COL4A6: variants seen among roughly 807,000 people sequenced by gnomAD.
COL4A6 encodes the protein collagen type IV alpha 6 chain, also known as collagen alpha-6(IV) chain.
In COL4A6, 59 loss-of-function variants were observed where a neutral mutation model predicts 126.7. That is an observed-to-expected ratio of 0.47 (90% CI 0.38 to 0.58). COL4A6 has a LOEUF of 0.58. COL4A6 is among the 20% of genes least tolerant of loss of function. The pLI is 0.00. For synonymous variants in COL4A6, 547 were observed against 496.6 expected (o/e 1.10, Z -1.35); for missense variants, 1,285 against 1,337.3 (o/e 0.96, Z 0.61).
At chrX:108,413,503 G>A (rs1412615249) in intron 2 of COL4A6, among the ~76,000 whole-genome samples, 2 of 110,796 alleles carry the variant, frequency 1.8e-5, no homozygotes, top group Non-Finnish European at 3.8e-5. Flanking sequence ...CTGTCGCCCA[G>A]GCTGGAGTGC....
At chrX:108,184,808 T>C (rs1201736318) in intron 23 of COL4A6, among the ~76,000 whole-genome samples, 2 of 112,535 alleles carry the variant, frequency 1.8e-5, no homozygotes, top group Non-Finnish European at 3.8e-5. Context: ...GGACTAGTGA[T>C]GTTTGGGATA....
At chrX:108,266,421 T>C (rs1056419015) in intron 3 of COL4A6, among the ~76,000 whole-genome samples, 3 of 111,410 alleles carry the variant, frequency 2.7e-5, no homozygotes, top group African/African-American at 9.8e-5. Context: ...ACACTGCAGG[T>C]GTTCCTCAGT....
At chrX:108,164,045 G>A (rs2034045807) in intron 40 of COL4A6, among the ~76,000 whole-genome samples, 1 of 111,741 alleles carries the variant, frequency 8.9e-6, no homozygotes, top group African/African-American at 3.3e-5. Context: ...GCCATGGGAA[G>A]CCACTGGATG....
intron 23 of COL4A6, among the ~76,000 whole-genome samples, chrX:108,182,386 T>C (rs1364500716): frequency 1.8e-5 from 2 of 112,390 alleles, no homozygotes; most frequent in African/African-American, 6.5e-5. Context: ...ACACTGCTTG[T>C]AGTCTGGGCA....
chrX:108,369,823 T>C (rs1190063865), intron 2 of COL4A6, among the ~76,000 whole-genome samples: 2 of 112,337 alleles, frequency 1.8e-5, no homozygotes, highest in Non-Finnish European at 3.8e-5. Context: ...AATATAGTCT[T>C]TGTCACAACT....
chrX:108,244,867 G>T (rs1204129737), intron 3 of COL4A6, among the ~76,000 whole-genome samples: 1 of 111,823 alleles, frequency 8.9e-6, no homozygotes, highest in African/African-American at 3.2e-5. Context: ...GGCTAGGCTT[G>T]ACCCAAGGAA....
At position 108,188,697 on chromosome X, in the gene COL4A6, T is replaced by C; in HGVS notation, c.1427-20A>G. On this transcript the variant is annotated intron_variant, in intron 20 of 44. Transcript: ENST00000334504. ...AGTCTCCTGGGAGAAAAAGACAACA[T>C]AGAACGAAGTGGGTCATTTTTTTCC... is the stretch of plus-strand genomic sequence containing the variant. The C allele has an allele frequency of 8.9e-7, 1 of 1,119,087 alleles. No homozygotes were observed. Among genetic ancestry groups the C allele is most frequent in the Non-Finnish European group, 1.2e-6 (1 of 848,943 alleles). The allele number at this position is 1,119,087 out of a possible 1,213,427, so 92.2% of individuals were successfully genotyped here.
In COL4A6 at chrX:108,211,738, C is replaced by T. The variant is rs146748865; in HGVS notation, c.444G>A (p.Gly148=). The change falls in exon 7 of 45, where the codon GGG becomes GGA. Residue 148 remains glycine (G), a splice_region_variant and synonymous_variant. Coordinates refer to ENST00000334504, the MANE Select transcript of COL4A6 (RefSeq NM_033641.4). ...CTTTTGATCCTTTCTGACCAGGAAG[C>T]CCCTGAGTAAAATAGTTTAAAAAAT... ...DGYPGLLGPP[G]LPGQKGSKGD... The T allele has an allele frequency of 9.1e-6, 11 of 1,207,619 alleles. No individual in the cohort carries two copies. In the South Asian group the frequency reaches 1.8e-4, roughly 19 times the overall value.
intron 2 of COL4A6, among the ~76,000 whole-genome samples, chrX:108,359,195 C>A (rs1201209663): frequency 8.9e-6 from 1 of 112,281 alleles, no homozygotes; most frequent in African/African-American, 3.2e-5. Context: ...TCTCCTACAT[C>A]ATTTTATTTT....
intron 3 of COL4A6, among the ~76,000 whole-genome samples, chrX:108,260,017 A>G (rs1211229711): frequency 9.0e-6 from 1 of 110,929 alleles, no homozygotes; most frequent in Non-Finnish European, 1.9e-5. Flanking sequence ...GGATGCACTA[A>G]AACTTATCAT....
chrX:108,305,909 A>G (rs2038615899), intron 3 of COL4A6, among the ~76,000 whole-genome samples: 1 of 112,223 alleles, frequency 8.9e-6, no homozygotes, highest in Non-Finnish European at 1.9e-5. Context: ...CTAAGCAGAG[A>G]TATCCAGCAA....
chrX:108,156,030 A>G lies in COL4A6; in HGVS notation c.*970T>C, dbSNP rs1005813788. 1 of 112,450 alleles carries G rather than the reference A, an allele frequency of 8.9e-6. No individual in the cohort carries two copies. Among genetic ancestry groups the G allele is most frequent in the African/African-American group, 3.2e-5 (1 of 30,904 alleles). 9.3% of individuals were successfully genotyped at this position (112,450 alleles called of 1,213,427 possible). On this transcript the variant is annotated 3_prime_UTR_variant, in exon 45 of 45. Transcript: ENST00000334504. ...AAGTCTTTAACATCCTCAGAATACAAGGAAACCAACACTGTGCAGCTTCAG... is the reference window on the plus strand; with the variant it reads ...AAGTCTTTAACATCCTCAGAATACAGGGAAACCAACACTGTGCAGCTTCAG...
chrX:108,340,398 T>C (rs1354343911), intron 2 of COL4A6, among the ~76,000 whole-genome samples: 2 of 111,821 alleles, frequency 1.8e-5, no homozygotes, highest in Non-Finnish European at 3.8e-5. Context: ...AGACCCAGTG[T>C]ATATATCTAG....
At chrX:108,436,595 GT>G (rs10719296) in intron 2 of COL4A6, among the ~76,000 whole-genome samples, 8,353 of 112,319 alleles carry the variant, frequency 0.074, 680 homozygotes, top group African/African-American at 0.23. Flanking sequence ...AATTAATGTA[GT>G]TATTGAGCCT....
At chrX:108,389,465 T>C (rs998896451) in intron 2 of COL4A6, among the ~76,000 whole-genome samples, 3 of 111,886 alleles carry the variant, frequency 2.7e-5, no homozygotes, top group Admixed American at 9.4e-5. Context: ...TTTACCATTA[T>C]ATAATGACCT....
intron 2 of COL4A6, among the ~76,000 whole-genome samples, chrX:108,312,059 A>G (rs976752839): frequency 4.4e-5 from 5 of 112,504 alleles, no homozygotes; most frequent in African/African-American, 1.6e-4. Context: ...AAAGGAAAAC[A>G]TAAATTCTAA....
intron 2 of COL4A6, among the ~76,000 whole-genome samples, chrX:108,326,143 A>G (rs536575110): frequency 1.3e-3 from 150 of 112,432 alleles, no homozygotes; most frequent in African/African-American, 4.7e-3. Context: ...CATGATCTAT[A>G]TAAAATATAG....
At chrX:108,257,366 G>C (rs1451549659) in intron 3 of COL4A6, among the ~76,000 whole-genome samples, 1 of 111,890 alleles carries the variant, frequency 8.9e-6, no homozygotes, top group Non-Finnish European at 1.9e-5. Context: ...GCTTTAGGGA[G>C]CATATTTGAT....
intron 2 of COL4A6, among the ~76,000 whole-genome samples, chrX:108,397,387 T>C (rs1252474405): frequency 1.8e-5 from 2 of 111,496 alleles, no homozygotes; most frequent in African/African-American, 6.5e-5. Flanking sequence ...TTAATGTCTT[T>C]ATCATTTATT....
Sources: allele counts gnomAD v4.1 joint callset (sites outside exome capture counted in the v4.1 genomes callset), GRCh38; gene constraint gnomAD v4.1.1; transcripts MANE v1.5; gene names NCBI Gene and HGNC (gene_info 2026-07-23, HGNC 2026-07-21).